The following PTPRD variants were observed in gnomAD, a reference collection of about 807,000 sequenced individuals.
The protein encoded by PTPRD is protein tyrosine phosphatase receptor type D, also known as receptor-type tyrosine-protein phosphatase delta.
In PTPRD, 34 loss-of-function variants were observed where a neutral mutation model predicts 214.5. The observed-to-expected ratio is 0.16, with a 90% CI of 0.12 to 0.21. The LOEUF (loss-of-function observed/expected upper bound fraction) is 0.21, where lower values mean the gene tolerates loss of function less well. PTPRD is among the 10% of genes least tolerant of loss of function. PTPRD has a pLI of 1.00. For missense variants in PTPRD, 2,545 were observed against 2,398.7 expected, an observed-to-expected ratio of 1.06 and a Z score of -1.27; for synonymous variants, 1,128 against 845.7, an observed-to-expected ratio of 1.33 and a Z score of -5.79.
intron 8 of PTPRD, among the ~76,000 whole-genome samples, chr9:9,467,448 G>T (rs10977793): frequency 6.7e-6 from 1 of 150,292 alleles, no homozygotes; most frequent in Non-Finnish European, 1.5e-5. Context: ...ATAGCAAGGC[G>T]GGGTGGCAGG....
At chr9:8,365,864 T>G (rs187012494) in intron 39 of PTPRD, among the ~76,000 whole-genome samples, 129 of 152,262 alleles carry the variant, frequency 8.5e-4, no homozygotes, top group African/African-American at 3.0e-3. Context: ...CCCTTCAAGC[T>G]GACTGAGAAA....
chr9:8,912,460 T>C (rs2098754796), intron 11 of PTPRD, among the ~76,000 whole-genome samples: 1 of 152,080 alleles, frequency 6.6e-6, no homozygotes, highest in African/African-American at 2.4e-5. Flanking sequence ...AGGACAAACC[T>C]ACGGAGACAG....
At chr9:8,420,752 C>A (rs2094299371) in intron 35 of PTPRD, among the ~76,000 whole-genome samples, 2 of 151,258 alleles carry the variant, frequency 1.3e-5, no homozygotes, top group South Asian at 4.2e-4. Context: ...AAAGACAGCT[C>A]CCTTTGCCCT....
chr9:10,290,275 G>A (rs1565070504), intron 3 of PTPRD, among the ~76,000 whole-genome samples: 1 of 152,016 alleles, frequency 6.6e-6, no homozygotes, highest in Non-Finnish European at 1.5e-5. Flanking sequence ...TGTTCCCTTT[G>A]TATGACAGGC....
chr9:9,838,486 T>C (rs530455801), intron 5 of PTPRD, among the ~76,000 whole-genome samples: 3 of 152,180 alleles, frequency 2.0e-5, no homozygotes, highest in Non-Finnish European at 2.9e-5. Flanking sequence ...TTGTATCTCA[T>C]TGTGGTTTTG....
chr9:8,350,142 T>C (rs1289373237), intron 39 of PTPRD, among the ~76,000 whole-genome samples: 2 of 152,160 alleles, frequency 1.3e-5, no homozygotes, highest in South Asian at 2.1e-4. Flanking sequence ...TGTCCCGTGA[T>C]GTGATACAGT....
At chr9:10,050,628 G>C (rs2097518824) in intron 3 of PTPRD, among the ~76,000 whole-genome samples, 1 of 141,574 alleles carries the variant, frequency 7.1e-6, no homozygotes, top group African/African-American at 2.7e-5. Context: ...AACTTGATTT[G>C]GGGCAATAAA....
intron 4 of PTPRD, among the ~76,000 whole-genome samples, chr9:9,967,560 T>A (rs1764203941): frequency 6.6e-6 from 1 of 152,176 alleles, no homozygotes; most frequent in Non-Finnish European, 1.5e-5. Flanking sequence ...ACAGTGACCA[T>A]AAAAGATGAA....
At chr9:10,459,324 G>A (rs754031853) in intron 2 of PTPRD, among the ~76,000 whole-genome samples, 2 of 152,168 alleles carry the variant, frequency 1.3e-5, no homozygotes, top group African/African-American at 2.4e-5. Context: ...TTTGTTCTGA[G>A]TCTTTGCTGA....
intron 5 of PTPRD, among the ~76,000 whole-genome samples, chr9:9,924,806 T>C (rs1248115371): frequency 6.6e-6 from 1 of 152,206 alleles, no homozygotes; most frequent in East Asian, 1.9e-4. Flanking sequence ...TGGGATTCAG[T>C]ACAAGGATAG....
chr9:8,931,389 G>A (rs1037602561), intron 11 of PTPRD, among the ~76,000 whole-genome samples: 1 of 152,108 alleles, frequency 6.6e-6, no homozygotes, highest in African/African-American at 2.4e-5. Context: ...TTGAAGTCAG[G>A]TAGCGGGATG....
At chr9:10,232,548 G>A (rs985020231) in intron 3 of PTPRD, among the ~76,000 whole-genome samples, 10 of 151,990 alleles carry the variant, frequency 6.6e-5, no homozygotes, top group Non-Finnish European at 1.5e-4. Flanking sequence ...TGCAAAATGT[G>A]CTTCCAGCAG....
chr9:9,873,176 A>C (rs1361919219), intron 5 of PTPRD, among the ~76,000 whole-genome samples: 1 of 152,168 alleles, frequency 6.6e-6, no homozygotes, highest in African/African-American at 2.4e-5. Context: ...AGAAAGACTC[A>C]TCACCAATGT....
chr9:8,359,423 C>T (rs2077893300), intron 39 of PTPRD, among the ~76,000 whole-genome samples: 1 of 151,792 alleles, frequency 6.6e-6, no homozygotes, highest in Admixed American at 6.6e-5. Context: ...CTCCCAGGTT[C>T]AAGCAATTCT....
chr9:10,250,353 G>T (rs921068632), intron 3 of PTPRD, among the ~76,000 whole-genome samples: 3 of 151,998 alleles, frequency 2.0e-5, no homozygotes, highest in Non-Finnish European at 4.4e-5. Flanking sequence ...AATTTTATAA[G>T]ACAGCTGAAC....
At chr9:9,495,705 T>G (rs1260019167) in intron 8 of PTPRD, among the ~76,000 whole-genome samples, 2 of 152,132 alleles carry the variant, frequency 1.3e-5, no homozygotes, top group East Asian at 3.9e-4. Flanking sequence ...GCTTTCACTA[T>G]CCTTCAATTG....
At chr9:8,735,900 G>C (rs535638737) in intron 11 of PTPRD, among the ~76,000 whole-genome samples, 1 of 101,332 alleles carries the variant, frequency 9.9e-6, no homozygotes, top group South Asian at 4.2e-4. Flanking sequence ...TGACAAGTGA[G>C]ACTTCGTCTC....
At chr9:8,352,559 G>A (rs534789535) in intron 39 of PTPRD, among the ~76,000 whole-genome samples, 15 of 152,118 alleles carry the variant, frequency 9.9e-5, no homozygotes, top group Non-Finnish European at 1.6e-4. Flanking sequence ...TCAACCCAAA[G>A]GAAGTTACAA....
intron 3 of PTPRD, among the ~76,000 whole-genome samples, chr9:10,326,560 A>G (rs1260548058): frequency 6.6e-6 from 1 of 151,548 alleles, no homozygotes; most frequent in East Asian, 1.9e-4. Flanking sequence ...TTGTTTTTAC[A>G]CCCATTTTTT....
Sources: gnomAD v4.1 joint callset for allele counts (sites outside exome capture counted in the v4.1 genomes callset) on GRCh38, gnomAD v4.1.1 for gene constraint, MANE v1.5 for transcripts, NCBI Gene and HGNC (gene_info 2026-07-23, HGNC 2026-07-21) for gene names.